Variants in CIT observed in about 807,000 individuals in gnomAD.
CIT encodes citron rho-interacting serine/threonine kinase.
A neutral mutation model predicts 272.7 loss-of-function variants in CIT; 79 were observed. That is an observed-to-expected ratio of 0.29 (90% confidence interval 0.24 to 0.35). The LOEUF (loss-of-function observed/expected upper bound fraction) is 0.35. Among genes scored for constraint, CIT ranks in the 10% least tolerant of loss-of-function variants. The pLI is 1.00. For synonymous variants in CIT, 948 were observed against 995.6 expected, an observed-to-expected ratio of 0.95 and a Z score of 0.90; for missense variants, 1,909 against 2,618.3, an observed-to-expected ratio of 0.73 and a Z score of 5.91.
chr12:119,757,654 T>G (rs1961189206), intron 21 of CIT, 109 bp from the exon 22 acceptor site: 1 of 1,375,812 alleles, frequency 7.3e-7, no homozygotes, highest in Non-Finnish European at 1.0e-6. Flanking sequence ...CCTCACTAAG[T>G]GGACTAGGGC....
At chr12:119,801,635 C>T (rs924756688) in intron 10 of CIT, among the ~76,000 whole-genome samples, 8 of 152,150 alleles carry the variant, frequency 5.3e-5, no homozygotes, top group South Asian at 2.1e-4. Context: ...CAGTGTGCTG[C>T]GTGTGTCAAG....
chr12:119,832,210 C>G (rs1034108449), intron 7 of CIT, among the ~76,000 whole-genome samples: 1 of 152,136 alleles, frequency 6.6e-6, no homozygotes, highest in South Asian at 2.1e-4. Context: ...ACTTTGTCAT[C>G]TTTTTCCTAA....
intron 4 of CIT, among the ~76,000 whole-genome samples, chr12:119,854,175 C>T (rs1346825411): frequency 5.3e-5 from 8 of 151,906 alleles, no homozygotes; most frequent in African/African-American, 1.4e-4. Flanking sequence ...TACAGGCATG[C>T]ACCACCACAC....
chr12:119,811,998 T>C (rs1966852175), intron 9 of CIT, among the ~76,000 whole-genome samples: 1 of 147,662 alleles, frequency 6.8e-6, no homozygotes. Context: ...CAGGTTGGAG[T>C]GCAGTGGCAT....
At chr12:119,876,250 C>A in intron 1 of CIT, 69 bp from the exon 2 acceptor site, 1 of 952,134 alleles carries the variant, frequency 1.1e-6, no homozygotes, top group Non-Finnish European at 1.6e-6. Context: ...AGATCCTGAT[C>A]TCCCTCAAGA....
intron 24 of CIT, among the ~76,000 whole-genome samples, chr12:119,741,318 A>G (rs1959047665): frequency 6.6e-6 from 1 of 152,236 alleles, no homozygotes; most frequent in Admixed American, 6.5e-5. Context: ...ATCAGAGGTC[A>G]GCATAGTGGT....
intron 32 of CIT, among the ~76,000 whole-genome samples, chr12:119,714,728 G>T (rs958799263): frequency 6.6e-6 from 1 of 152,162 alleles, no homozygotes; most frequent in African/African-American, 2.4e-5. Context: ...CACATTCCTG[G>T]TGAGAATGTA....
intron 12 of CIT, chr12:119,783,448 G>C (rs1964488978): frequency 6.5e-6 from 1 of 152,780 alleles, no homozygotes; most frequent in South Asian, 2.1e-4. Flanking sequence ...AATGACAGAG[G>C]GTCTGGGTTT....
intron 2 of CIT, among the ~76,000 whole-genome samples, chr12:119,872,181 T>A (rs1056409866): frequency 3.3e-5 from 5 of 152,216 alleles, no homozygotes; most frequent in African/African-American, 1.2e-4. Context: ...ATGCCCTTTA[T>A]GAAATACAAG....
intron 46 of CIT, among the ~76,000 whole-genome samples, chr12:119,695,141 A>G (rs1245915062): frequency 2.6e-5 from 4 of 152,208 alleles, no homozygotes; most frequent in African/African-American, 7.2e-5. Context: ...AAGAAAAACA[A>G]AGGAATCTCA....
At chr12:119,739,260 G>A (rs1321552231) in intron 24 of CIT, among the ~76,000 whole-genome samples, 1 of 152,178 alleles carries the variant, frequency 6.6e-6, no homozygotes, top group Non-Finnish European at 1.5e-5. Flanking sequence ...ACAGACTTAG[G>A]TAGGGTTTTA....
chr12:119,688,858 A>G (rs1955745649), intron 47 of CIT, among the ~76,000 whole-genome samples: 1 of 152,260 alleles, frequency 6.6e-6, no homozygotes, highest in Admixed American at 6.5e-5. Flanking sequence ...CAGAAAAACA[A>G]TTTATATATA....
intron 26 of CIT, among the ~76,000 whole-genome samples, chr12:119,731,192 A>G (rs1958417456): frequency 6.6e-6 from 1 of 152,000 alleles, no homozygotes; most frequent in Non-Finnish European, 1.5e-5. Context: ...CTGAAACTTG[A>G]GGCTGGGTGC....
chr12:119,744,279 C>A (rs1959176278), intron 23 of CIT, among the ~76,000 whole-genome samples: 1 of 151,926 alleles, frequency 6.6e-6, no homozygotes, highest in South Asian at 2.1e-4. Flanking sequence ...TCAAAGACGC[C>A]CTAACAGACT....
intron 9 of CIT, among the ~76,000 whole-genome samples, chr12:119,819,275 C>T (rs931597827): frequency 4.6e-5 from 7 of 152,140 alleles, no homozygotes; most frequent in Non-Finnish European, 1.0e-4. Flanking sequence ...GTTCGACTTG[C>T]TGGAAGAATA....
chr12:119,784,625 G>A lies in CIT; in HGVS notation c.1401+335C>T, dbSNP rs536498353. On this transcript the variant is annotated intron_variant, in intron 11 of 47. Coordinates refer to ENST00000392521, the MANE Select transcript of CIT (RefSeq NM_001206999.2). This position sits in a 1 kb window ranked among gnomAD's most constrained non-coding sequence, Gnocchi z 4.7. ...TTAAAAGACTAGGAAGAGAGACTTC[G>A]CATCACTCAAAGCAGATGGGATGTA... The A allele has an allele frequency of 1.2e-5, 14 of 1,210,624 alleles. No individual in the cohort carries two copies. Among genetic ancestry groups the A allele is most frequent in the East Asian group, 4.9e-5 (1 of 20,550 alleles). The allele number at this position is 1,210,624 out of a possible 1,614,324, so 75.0% of individuals were successfully genotyped here. A position where few individuals can be genotyped will look rare whatever the true frequency, so the allele number is the denominator to read the frequency against.
At chr12:119,761,339 A>G (rs1961765468) in intron 19 of CIT, among the ~76,000 whole-genome samples, 1 of 152,218 alleles carries the variant, frequency 6.6e-6, no homozygotes, top group African/African-American at 2.4e-5. Context: ...TATATTCAAA[A>G]TGAGGCAGAC....
In CIT at chr12:119,709,785, AGAGTGTGTGT is replaced by A. The variant is rs1410279555; in HGVS notation, c.5071+456_5071+465del. On this transcript the variant is annotated intron_variant, in intron 39 of 47. Transcript: ENST00000392521. ...GAAAGAGAGAGAGAGAGAGAGAGAGAGAGTGTGTGTGTGTGTGTGTGTGTGTGTGTGTGTG... is the reference window on the plus strand; with the variant it reads ...GAAAGAGAGAGAGAGAGAGAGAGAGAGTGTGTGTGTGTGTGTGTGTGTGTG... Among the ~76,000 whole-genome samples the A allele has an allele frequency of 2.4e-3, 124 of 52,442 alleles. No homozygotes were observed. In the Middle Eastern group the frequency reaches 0.027, roughly 12 times the overall value. 34.4% of individuals were successfully genotyped at this position (52,442 alleles called of 152,430 possible). A position where few individuals can be genotyped will look rare whatever the true frequency, so the allele number is the denominator to read the frequency against.
At chr12:119,699,460 T>C (rs898318231) in intron 44 of CIT, among the ~76,000 whole-genome samples, 2 of 152,204 alleles carry the variant, frequency 1.3e-5, no homozygotes, top group Non-Finnish European at 2.9e-5. Flanking sequence ...ATTAGACTTT[T>C]AAAGTCATGG....
Sources: gnomAD v4.1 joint callset for allele counts (sites outside exome capture counted in the v4.1 genomes callset) on GRCh38, gnomAD v4.1.1 for gene constraint, Gnocchi (gnomAD v3.1) non-coding constraint, MANE v1.5 for transcripts, NCBI Gene and HGNC (gene_info 2026-07-23, HGNC 2026-07-21) for gene names.